The following SACS variants were observed in gnomAD, a reference collection of about 807,000 sequenced individuals.
The protein encoded by SACS is sacsin.
Under a neutral mutation model 348.0 loss-of-function variants are expected in SACS, and 197 were observed. That is an observed-to-expected ratio of 0.57 (90% confidence interval 0.50 to 0.64). The LOEUF (loss-of-function observed/expected upper bound fraction) is 0.64. Ranked by LOEUF, SACS falls within the 30% of genes least tolerant of loss-of-function variation. The pLI is 0.00. For missense variants in SACS, 4,999 were observed against 5,360.8 expected (o/e 0.93, Z 2.11); for synonymous variants, 1,985 against 1,910.6 (o/e 1.04, Z -1.02).
intron 1 of SACS, among the ~76,000 whole-genome samples, chr13:23,423,650 C>T (rs962466701): frequency 2.6e-5 from 4 of 152,150 alleles, no homozygotes; most frequent in East Asian, 3.8e-4. Flanking sequence ...TTTATTATAT[C>T]GCTGAATGGG....
At chr13:23,404,277 T>C (rs1315166295) in intron 2 of SACS, among the ~76,000 whole-genome samples, 3 of 152,080 alleles carry the variant, frequency 2.0e-5, no homozygotes, top group Non-Finnish European at 4.4e-5. Context: ...CATACGCAAA[T>C]CAATAAACGT....
chr13:23,428,607 G>A (rs1874292288), intron 1 of SACS: 1 of 152,162 alleles, frequency 6.6e-6, no homozygotes, highest in African/African-American at 2.4e-5. Flanking sequence ...AGCACAAAAG[G>A]TGAAGGTAAA....
Position 23,355,232 on chromosome 13 carries a change from G to A in SACS, c.1380C>T (p.Leu460=), listed in dbSNP as rs924225618. The A allele has an allele frequency of 6.2e-7, 1 of 1,614,198 alleles. No homozygotes were observed. Among genetic ancestry groups the A allele is most frequent in the Non-Finnish European group, 8.5e-7 (1 of 1,180,030 alleles). The part of the protein sequence containing the change: ...LPPGEESSTG[L]PVHISGFFGL... ...CAAAGAACCCACTGATGTGAACTGGGAGGCCTGTGCTGCTTTCCTCACCAG... is the reference window on the plus strand; with the variant it reads ...CAAAGAACCCACTGATGTGAACTGGAAGGCCTGTGCTGCTTTCCTCACCAG... The change falls in exon 8 of 10, where the codon CTC becomes CTT. Residue 460 remains leucine (L), a synonymous_variant. Transcript: ENST00000382292.
chr13:23,368,062 G>A (rs900661733), intron 5 of SACS, among the ~76,000 whole-genome samples: 1 of 151,778 alleles, frequency 6.6e-6, no homozygotes, highest in Non-Finnish European at 1.5e-5. Context: ...TTGGCTGGCC[G>A]GTTGGCTGGC....
intron 4 of SACS, among the ~76,000 whole-genome samples, chr13:23,369,043 C>G (rs1209503447): frequency 2.0e-5 from 3 of 152,078 alleles, no homozygotes; most frequent in African/African-American, 7.2e-5. Flanking sequence ...AAAAAATGTT[C>G]AAAAATATAA....
intron 2 of SACS, among the ~76,000 whole-genome samples, chr13:23,377,265 T>C (rs1274587297): frequency 6.6e-6 from 1 of 152,190 alleles, no homozygotes. Flanking sequence ...CACTTTAAAA[T>C]GGCAAATTTT....
At chr13:23,383,237 T>C (rs147549681) in intron 2 of SACS, among the ~76,000 whole-genome samples, 2 of 152,238 alleles carry the variant, frequency 1.3e-5, no homozygotes, top group African/African-American at 2.4e-5. Flanking sequence ...GTCGAAGTGT[T>C]TGACCACGAT....
At chr13:23,422,165 A>T (rs934654751) in intron 1 of SACS, among the ~76,000 whole-genome samples, 4 of 152,236 alleles carry the variant, frequency 2.6e-5, no homozygotes, top group African/African-American at 9.6e-5. Context: ...GTTGAATGGA[A>T]CGTAACTTTT....
At chr13:23,421,794 G>A (rs1873957197) in intron 1 of SACS, among the ~76,000 whole-genome samples, 1 of 151,880 alleles carries the variant, frequency 6.6e-6, no homozygotes, top group South Asian at 2.1e-4. Flanking sequence ...TGTTCACCAG[G>A]GGCCTAGGCA....
At chr13:23,396,127 C>T (rs1290985329) in intron 2 of SACS, among the ~76,000 whole-genome samples, 1 of 152,002 alleles carries the variant, frequency 6.6e-6, no homozygotes, top group South Asian at 2.1e-4. Context: ...AGTTCGCGAC[C>T]AGCCTGGCCA....
chr13:23,360,243 C>T (rs1024900477), intron 6 of SACS, among the ~76,000 whole-genome samples: 4 of 152,098 alleles, frequency 2.6e-5, no homozygotes, highest in African/African-American at 9.7e-5. Context: ...ATGATACTGT[C>T]AGTCTTTATG....
chr13:23,371,003 A>T, intron 4 of SACS, 75 bp downstream of exon 4: 2 of 1,004,336 alleles, frequency 2.0e-6, no homozygotes, highest in Non-Finnish European at 3.0e-6. Context: ...AAAACCAACC[A>T]AACAAACAAA....
intron 9 of SACS, among the ~76,000 whole-genome samples, chr13:23,345,551 G>A (rs1869543022): frequency 6.6e-6 from 1 of 151,994 alleles, no homozygotes; most frequent in African/African-American, 2.4e-5. Flanking sequence ...ACAGTACCAG[G>A]GCATGTGTTA....
intron 2 of SACS, among the ~76,000 whole-genome samples, chr13:23,398,849 C>A (rs1872822846): frequency 6.6e-6 from 1 of 151,274 alleles, no homozygotes; most frequent in African/African-American, 2.4e-5. Flanking sequence ...CCCTGGCCAA[C>A]ATGGTGAAAC....
rs146852454 is a variant in SACS at position 23,398,068 on chromosome 13, G to C, written c.20+13152C>G. Reference sequence around the variant, plus strand: ...TAGCTGGGCGTGGTGATGCATGCCTGTAATCCCAGCTACTCAGGAGGCTGA... The same window carrying C: ...TAGCTGGGCGTGGTGATGCATGCCTCTAATCCCAGCTACTCAGGAGGCTGA... On this transcript the variant is annotated intron_variant, in intron 2 of 9. Coordinates refer to ENST00000382292, the MANE Select transcript of SACS (RefSeq NM_014363.6). Among the ~76,000 whole-genome samples the C allele has an allele frequency of 2.5e-3, 384 of 152,030 alleles. 4 individuals are homozygous for C. Among genetic ancestry groups the C allele is most frequent in the Non-Finnish European group, 1.3e-3 (88 of 67,988 alleles).
intron 1 of SACS, among the ~76,000 whole-genome samples, chr13:23,431,990 C>T (rs574446357): frequency 2.0e-5 from 3 of 152,320 alleles, no homozygotes; most frequent in South Asian, 4.1e-4. Context: ...CCCTGCTAGG[C>T]GCCTTCATAC....
rs149018756 is a variant in SACS, at chr13:23,337,792, T to A, written c.6084A>T (p.Glu2028Asp). 2.7e-5 allele frequency: 43 copies of A among 1,613,818 alleles called. No homozygotes were observed. The African/African-American group carries it at 5.3e-4, about 20-fold the overall frequency. Residue 2028 changes from glutamate to aspartate, a missense_variant, in exon 10 of 10, where the codon GAA (glutamate) becomes GAT (aspartate). Transcript: ENST00000382292. ...ATCCTAATTTTACCGAAGAAGGAAGTTCAACAGCACAAAGGTTTTTGGACC... is the reference window on the plus strand; with the variant it reads ...ATCCTAATTTTACCGAAGAAGGAAGATCAACAGCACAAAGGTTTTTGGACC... ...KTGSKNLCAVELPSSVKLGFE... is the reference protein window; with the variant it reads ...KTGSKNLCAVDLPSSVKLGFE...
chr13:23,392,983 A>G (rs977798934), intron 2 of SACS, among the ~76,000 whole-genome samples: 1 of 152,178 alleles, frequency 6.6e-6, no homozygotes, highest in Non-Finnish European at 1.5e-5. Flanking sequence ...AAGCACAGAC[A>G]TCGGGAGAGG....
intron 9 of SACS, among the ~76,000 whole-genome samples, chr13:23,342,023 G>T (rs971372567): frequency 1.3e-5 from 2 of 151,800 alleles, no homozygotes; most frequent in South Asian, 4.1e-4. Context: ...TCCTGACCTC[G>T]TGACCCACCC....
Sources: gnomAD v4.1 joint callset for allele counts (sites outside exome capture counted in the v4.1 genomes callset) on GRCh38, gnomAD v4.1.1 for gene constraint, MANE v1.5 for transcripts, NCBI Gene and HGNC (gene_info 2026-07-23, HGNC 2026-07-21) for gene names.